The following SPATA31C1 variants were observed in gnomAD, a reference collection of about 807,000 sequenced individuals.
SPATA31C1 encodes spermatogenesis-associated protein 31C1.
At chr9:87,920,120 A>G in intron 4 of SPATA31C1, 132 bp from the exon 4 acceptor site, 2 of 1,601,842 alleles carry the variant, frequency 1.2e-6, no homozygotes, top group Non-Finnish European at 1.7e-6. Context: ...GGGTAGCAGG[A>G]GAATTGGGTG....
At chr9:87,916,622 T>C (rs1271459359) in intron 1 of SPATA31C1, among the ~76,000 whole-genome samples, 5 of 147,932 alleles carry the variant, frequency 3.4e-5, no homozygotes, top group African/African-American at 7.3e-5. Flanking sequence ...ACAGGATAGA[T>C]TGATGGAAAA....
intron 4 of SPATA31C1, 64 bp from the exon 4 acceptor site, chr9:87,920,188 G>T: frequency 2.5e-6 from 4 of 1,604,924 alleles, no homozygotes; most frequent in Non-Finnish European, 2.6e-6. Flanking sequence ...TGGCCCAAGC[G>T]CCCACTCTGC....
chr9:87,916,824 A>C (rs71510254), intron 1 of SPATA31C1, among the ~76,000 whole-genome samples: 9,641 of 64,512 alleles, frequency 0.15, 683 homozygotes, highest in East Asian at 0.24. Context: ...GGTGAAACCC[A>C]GTCTCTACCA....
chr9:87,920,268 C>T (rs1327501943), exon 5 of SPATA31C1: 1 of 1,613,668 alleles, frequency 6.2e-7, no homozygotes, highest in Non-Finnish European at 8.5e-7. Context: ...GGGGCCACAC[C>T]TTGAAAAAGG....
At chr9:87,921,511 C>T (rs751214813) in exon 5 of SPATA31C1, 1 of 1,611,966 alleles carries the variant, frequency 6.2e-7, no homozygotes, top group Non-Finnish European at 8.5e-7. Context: ...CAAAATCTAT[C>T]CAGGGGCATG....
At chr9:87,920,595 C>G (rs755985498) in exon 5 of SPATA31C1, 1 of 1,613,758 alleles carries the variant, frequency 6.2e-7, no homozygotes, top group African/African-American at 1.3e-5. Flanking sequence ...GGCCTGCTCT[C>G]CACCTCCTCC....
intron 2 of SPATA31C1, 186 bp from the exon 2 acceptor site, chr9:87,919,069 C>T (rs1312292403): frequency 1.5e-5 from 14 of 963,052 alleles, no homozygotes; most frequent in Admixed American, 8.7e-5. Flanking sequence ...CGCACCCGAC[C>T]CCCTCTTCCT....
rs757090568 is a variant in SPATA31C1, at chr9:87,919,300, G to A, written n.532G>A. 1.4e-5 allele frequency: 23 copies of A among 1,600,964 alleles called. 1 individual carries two copies. The South Asian group carries it at 2.5e-4, about 18-fold the overall frequency. ...TCATCTTGTCTCCCAGTGTCCAACA[G>A]GGCGGAGGGGGAGGCCCAGAGGCAG... is the stretch of plus-strand genomic sequence containing the variant. On this transcript the variant is annotated non_coding_transcript_exon_variant, in exon 3 of 5. Coordinates refer to ENST00000420021, the Ensembl canonical transcript of SPATA31C1.
exon 5 of SPATA31C1, chr9:87,922,277 C>T: frequency 6.2e-7 from 1 of 1,612,522 alleles, no homozygotes; most frequent in Non-Finnish European, 8.5e-7. Flanking sequence ...CCCAGCAGAG[C>T]AGGAGCTTAG....
intron 1 of SPATA31C1, chr9:87,917,421 A>C (rs2117977461): frequency 8.5e-6 from 1 of 118,244 alleles, no homozygotes; most frequent in East Asian, 2.5e-4. Context: ...CGTCTCAAAA[A>C]AATAAAAAAA....
intron 2 of SPATA31C1, chr9:87,919,005 G>C: frequency 2.1e-6 from 1 of 468,496 alleles, no homozygotes; most frequent in South Asian, 1.8e-5. Context: ...CTTGACCTCA[G>C]GTGATCCACC....
chr9:87,922,612 C>T (rs1486655170), exon 5 of SPATA31C1: 2 of 1,609,056 alleles, frequency 1.2e-6, no homozygotes, highest in Admixed American at 1.7e-5. Flanking sequence ...GAGAATTTGG[C>T]TTCTCAAGTG....
intron 4 of SPATA31C1, 84 bp from the exon 4 acceptor site, chr9:87,920,168 G>A (rs1352853442): frequency 6.9e-6 from 11 of 1,602,356 alleles, no homozygotes; most frequent in African/African-American, 5.4e-5. Flanking sequence ...GTGGCGTGGT[G>A]GAGGGGCTGT....
At chr9:87,919,382 T>C (rs747863381) in intron 3 of SPATA31C1, 34 bp downstream of exon 2, 1 of 1,600,224 alleles carries the variant, frequency 6.2e-7, no homozygotes, top group East Asian at 2.3e-5. Flanking sequence ...AGAGTTAATT[T>C]GATCTCATCT....
intron 1 of SPATA31C1, among the ~76,000 whole-genome samples, chr9:87,916,952 G>A (rs752402276): frequency 0.013 from 796 of 63,042 alleles, 18 homozygotes; most frequent in South Asian, 0.04. Context: ...AGCCAAGAGC[G>A]TGCCACTGCA....
At chr9:87,921,578 G>A in exon 5 of SPATA31C1, 1 of 1,612,020 alleles carries the variant, frequency 6.2e-7, no homozygotes, top group Non-Finnish European at 8.5e-7. Flanking sequence ...AAAGGAACCT[G>A]AGGAAGCCCT....
At chr9:87,920,267 C>G (rs760621475) in exon 5 of SPATA31C1, 189 of 1,613,522 alleles carry the variant, frequency 1.2e-4, no homozygotes, top group Admixed American at 1.3e-4. Flanking sequence ...TGGGGCCACA[C>G]CTTGAAAAAG....
At chr9:87,922,045 T>C (rs952186628) in exon 5 of SPATA31C1, 1 of 1,613,972 alleles carries the variant, frequency 6.2e-7, no homozygotes. Flanking sequence ...GCCACGCTCC[T>C]TGGAGAGCCA....
intron 1 of SPATA31C1, among the ~76,000 whole-genome samples, chr9:87,915,625 A>G (rs1403975194): frequency 1.4e-5 from 2 of 144,662 alleles, no homozygotes; most frequent in Admixed American, 1.4e-4. Context: ...TAATAAAGAC[A>G]TGAGGTTAGA....
Sources: gnomAD v4.1 joint callset for allele counts (sites outside exome capture counted in the v4.1 genomes callset) on GRCh38, gnomAD v4.1.1 for gene constraint, MANE v1.5 for transcripts, NCBI Gene and HGNC (gene_info 2026-07-23, HGNC 2026-07-21) for gene names.